PCDHA1: variants seen among roughly 807,000 people sequenced by gnomAD.
PCDHA1 encodes the protein protocadherin alpha 1, also known as protocadherin alpha-1.
PCDHA1 carries 42 observed loss-of-function variants against 61.3 expected under a neutral mutation model. The observed-to-expected ratio is 0.69, with a 90% CI of 0.54 to 0.89. The LOEUF is 0.89. Among genes scored for constraint, PCDHA1 ranks in the 40% least tolerant of loss-of-function variants. PCDHA1 has a pLI of 0.00. For missense variants in PCDHA1, 1,256 were observed against 1,235.3 expected (o/e 1.02, Z -0.25); for synonymous variants, 610 against 553.8 (o/e 1.10, Z -1.43).
At position 140,850,499 on chromosome 5, in the gene PCDHA1, G is replaced by T. The variant is rs2150486529; in HGVS notation, c.2394+61815G>T. 2.5e-6 allele frequency: 4 copies of T among 1,598,170 alleles called. No individual in the cohort carries two copies. The East Asian group carries it at 8.9e-5, about 36-fold the overall frequency. ...CGGCCACGGCCACTGTGCTGGTGTCGCTGGTGGAGAGCGGCCAGGCGCCAA... is the reference window on the plus strand; with the variant it reads ...CGGCCACGGCCACTGTGCTGGTGTCTCTGGTGGAGAGCGGCCAGGCGCCAA... On this transcript the variant is annotated intron_variant, in intron 1 of 3. Transcript: ENST00000504120.
chr5:140,938,455 T>C (rs1317742854), intron 1 of PCDHA1, among the ~76,000 whole-genome samples: 1 of 152,196 alleles, frequency 6.6e-6, no homozygotes, highest in East Asian at 1.9e-4. Flanking sequence ...TTCCCTTTGT[T>C]TTTTAATTTA....
At chr5:140,900,588 C>G (rs1025443524) in intron 1 of PCDHA1, among the ~76,000 whole-genome samples, 3 of 152,150 alleles carry the variant, frequency 2.0e-5, no homozygotes, top group African/African-American at 7.2e-5. Flanking sequence ...TTTTCTTTAC[C>G]CGTTCATCTG....
intron 1 of PCDHA1, among the ~76,000 whole-genome samples, chr5:140,800,460 T>C (rs1554121138): frequency 6.6e-6 from 1 of 152,206 alleles, no homozygotes; most frequent in African/African-American, 2.4e-5. Context: ...TAGATATATG[T>C]ATGTTTTAAT....
At chr5:140,959,099 G>T (rs1233693181) in intron 1 of PCDHA1, among the ~76,000 whole-genome samples, 1 of 152,078 alleles carries the variant, frequency 6.6e-6, no homozygotes, top group Non-Finnish European at 1.5e-5. Context: ...CGGACATTCA[G>T]CAGGGGTCCG....
Position 140,801,489 on chromosome 5 carries a change from C to A in PCDHA1, c.2394+12805C>A. ...GATAGACCGCGAGGAACTGTGCGGG[C>A]GGAGCGCGGAGTGCAGCATCCACCT... On this transcript the variant is annotated intron_variant, in intron 1 of 3. Coordinates refer to ENST00000504120, the MANE Select transcript of PCDHA1 (RefSeq NM_018900.4). The A allele has an allele frequency of 2.5e-6, 4 of 1,614,092 alleles. 1 individual carries two copies. Among genetic ancestry groups the A allele is most frequent in the Non-Finnish European group, 2.5e-6 (3 of 1,180,042 alleles).
intron 1 of PCDHA1, chr5:140,852,101 T>C (rs1297369324): frequency 1.1e-6 from 1 of 909,228 alleles, no homozygotes; most frequent in Non-Finnish European, 1.3e-6. Context: ...TGTCAGATAT[T>C]TTACAAGGTA....
At chr5:140,985,491 G>C (rs1288786153) in intron 3 of PCDHA1, among the ~76,000 whole-genome samples, 3 of 152,166 alleles carry the variant, frequency 2.0e-5, no homozygotes, top group African/African-American at 7.2e-5. Flanking sequence ...GACTCAAATA[G>C]AGCCTGCCTT....
chr5:140,843,521 G>A (rs1168797267), intron 1 of PCDHA1: 1 of 1,595,866 alleles, frequency 6.3e-7, no homozygotes, highest in Non-Finnish European at 8.6e-7. Context: ...CGGGTGCCGG[G>A]CGGGCAAGCC....
chr5:140,955,440 G>A (rs1332391978), intron 1 of PCDHA1, among the ~76,000 whole-genome samples: 3 of 152,022 alleles, frequency 2.0e-5, no homozygotes, highest in Admixed American at 2.0e-4. Context: ...TAGGTCTGAT[G>A]GTTTTATAAG....
Position 141,010,268 on chromosome 5 carries a change from A to T in PCDHA1, c.*331A>T. 1 of 1,551,622 alleles carries T rather than the reference A, an allele frequency of 6.4e-7. No homozygotes were observed. Among genetic ancestry groups the T allele is most frequent in the Non-Finnish European group, 8.7e-7 (1 of 1,146,964 alleles). On this transcript the variant is annotated 3_prime_UTR_variant, in exon 4 of 4. Coordinates refer to ENST00000504120, the MANE Select transcript of PCDHA1 (RefSeq NM_018900.4). ...GGACTCTCTGCCCTGTGCTCCGGGG[A>T]TCCTGTCTTGATGACACTTGCAGGG...
At chr5:140,894,503 T>C (rs934592222) in intron 1 of PCDHA1, among the ~76,000 whole-genome samples, 1 of 152,016 alleles carries the variant, frequency 6.6e-6, no homozygotes. Context: ...TTAGGCATTA[T>C]CCATAGTGTT....
At chr5:140,879,672 G>C (rs1256239319) in intron 1 of PCDHA1, among the ~76,000 whole-genome samples, 1 of 152,160 alleles carries the variant, frequency 6.6e-6, no homozygotes, top group East Asian at 1.9e-4. Flanking sequence ...ACACAAACTG[G>C]GTGCTGTAAA....
intron 3 of PCDHA1, among the ~76,000 whole-genome samples, chr5:140,985,878 T>C (rs891027308): frequency 6.6e-6 from 1 of 151,706 alleles, no homozygotes; most frequent in Non-Finnish European, 1.5e-5. Flanking sequence ...TAGCTGGGAC[T>C]ACAGGCGCCC....
chr5:140,788,336 G>A lies in PCDHA1; in HGVS notation c.2046G>A (p.Ala682=). Residue 682 remains alanine (A), a synonymous_variant, in exon 1 of 4, where the codon GCG becomes GCA. Coordinates refer to ENST00000504120, the MANE Select transcript of PCDHA1 (RefSeq NM_018900.4). ...AGGCGCCAAAGGCGTCTTCGCGGGC[G>A]TCGGTGGGTGTCGCGGGCCCAGAGG... ...SGQAPKASSR[A]SVGVAGPEAA... 2 of 1,613,962 alleles carry A rather than the reference G, an allele frequency of 1.2e-6. No homozygotes were observed. The highest frequency in any genetic ancestry group is 2.2e-5 in the East Asian group (1 of 44,876).
chr5:141,008,530 A>G (rs1176119695), intron 3 of PCDHA1, among the ~76,000 whole-genome samples: 2 of 152,128 alleles, frequency 1.3e-5, no homozygotes, highest in African/African-American at 4.8e-5. Context: ...ACTCTTGGGA[A>G]TGTCTTTTAT....
chr5:140,802,494 C>T (rs142880719), intron 1 of PCDHA1: 1 of 1,614,046 alleles, frequency 6.2e-7, no homozygotes, highest in Non-Finnish European at 8.5e-7. Context: ...CGGGGGCTCG[C>T]CTTCACTGTG....
intron 3 of PCDHA1, among the ~76,000 whole-genome samples, chr5:141,005,701 CAAAA>C (rs59860837): frequency 2.6e-4 from 2 of 7,790 alleles, no homozygotes; most frequent in African/African-American, 4.7e-4. Flanking sequence ...AACTCCGTCT[CAAAA>C]AAAAAAAAAA....
At chr5:140,821,498 G>C (rs1479155064) in intron 1 of PCDHA1, 4 of 316,254 alleles carry the variant, frequency 1.3e-5, no homozygotes, top group Admixed American at 8.8e-5. Context: ...AAATATTGAC[G>C]AATATAAGCT....
chr5:140,882,998 C>T, intron 1 of PCDHA1: 1 of 1,614,066 alleles, frequency 6.2e-7, no homozygotes. Context: ...GGAATTTTAC[C>T]AATCCGTTTA....
Sources: allele counts gnomAD v4.1 joint callset (sites outside exome capture counted in the v4.1 genomes callset), GRCh38; gene constraint gnomAD v4.1.1; transcripts MANE v1.5; gene names NCBI Gene and HGNC (gene_info 2026-07-23, HGNC 2026-07-21).